The following CDH2 variants were observed in gnomAD, a reference collection of about 807,000 sequenced individuals.
The protein encoded by CDH2 is cadherin-2.
In CDH2, 17 loss-of-function variants were observed where a neutral mutation model predicts 92.0. That is an observed-to-expected ratio of 0.18 (90% CI 0.13 to 0.28). The LOEUF (loss-of-function observed/expected upper bound fraction) is 0.28. Ranked by LOEUF, CDH2 falls within the 10% of genes least tolerant of loss-of-function variation. The pLI is 1.00. For missense variants in CDH2, 862 were observed against 1,133.1 expected, an observed-to-expected ratio of 0.76 and a Z score of 3.44; for synonymous variants, 419 against 415.9, an observed-to-expected ratio of 1.01 and a Z score of -0.09.
At chr18:28,102,108 A>G (rs2015236645) in intron 2 of CDH2, among the ~76,000 whole-genome samples, 1 of 152,166 alleles carries the variant, frequency 6.6e-6, no homozygotes, top group Admixed American at 6.6e-5. Context: ...TTTGTCTCCT[A>G]GAAATTTGCC....
chr18:28,077,458 T>C (rs1302755064), intron 2 of CDH2, among the ~76,000 whole-genome samples: 2 of 152,204 alleles, frequency 1.3e-5, no homozygotes, highest in African/African-American at 4.8e-5. Context: ...CTGCATATGT[T>C]AGACCAAGGC....
At chr18:28,101,517 T>G (rs984758369) in intron 2 of CDH2, among the ~76,000 whole-genome samples, 42 of 152,300 alleles carry the variant, frequency 2.8e-4, no homozygotes, top group African/African-American at 9.4e-4. Context: ...ACCTGGGGAC[T>G]TGACTGTAAC....
At chr18:28,109,861 GT>G (rs1290130117) in intron 2 of CDH2, among the ~76,000 whole-genome samples, 3 of 152,076 alleles carry the variant, frequency 2.0e-5, no homozygotes, top group African/African-American at 7.2e-5. Context: ...TGTATAAAGT[GT>G]TATTGATTCC....
At chr18:28,041,729 T>TA (rs1278898310) in intron 2 of CDH2, among the ~76,000 whole-genome samples, 1 of 152,206 alleles carries the variant, frequency 6.6e-6, no homozygotes, top group Admixed American at 6.5e-5. Flanking sequence ...TATTCCTGAA[T>TA]TCTTAGAGGA....
At chr18:28,113,418 C>T (rs2015444363) in intron 2 of CDH2, among the ~76,000 whole-genome samples, 1 of 147,668 alleles carries the variant, frequency 6.8e-6, no homozygotes, top group Non-Finnish European at 1.5e-5. Flanking sequence ...TAAATACCTA[C>T]ATAGTTAATC....
At position 28,091,419 on chromosome 18, in the gene CDH2, A is replaced by T. The variant is rs755591419; in HGVS notation, c.172+56254T>A. Among the ~76,000 whole-genome samples the T allele has an allele frequency of 1.2e-4, 19 of 152,282 alleles. No homozygotes were observed. In the East Asian group the frequency reaches 2.3e-3, roughly 19 times the overall value. The stretch of plus-strand genomic sequence containing the variant: ...AGTTAGCTAGTGGACTTTGTCCTTC[A>T]GTCTGTCTGGTAAATATTTCACAAT... On this transcript the variant is annotated intron_variant, in intron 2 of 15. Transcript: ENST00000269141.
intron 7 of CDH2, among the ~76,000 whole-genome samples, chr18:27,997,521 C>A (rs1397296539): frequency 6.6e-6 from 1 of 152,164 alleles, no homozygotes; most frequent in Non-Finnish European, 1.5e-5. Context: ...AAAGTAACTG[C>A]AGTTTTTGCC....
intron 5 of CDH2, among the ~76,000 whole-genome samples, chr18:28,008,971 T>C (rs1334340426): frequency 6.6e-6 from 1 of 152,092 alleles, no homozygotes; most frequent in East Asian, 1.9e-4. Context: ...GGGTCTCTCC[T>C]TTTATTAAAA....
chr18:28,141,951 C>T (rs1275120471), intron 2 of CDH2, among the ~76,000 whole-genome samples: 1 of 151,836 alleles, frequency 6.6e-6, no homozygotes, highest in Non-Finnish European at 1.5e-5. Flanking sequence ...TCAATGGTAT[C>T]CTATGCAATG....
chr18:28,136,692 A>C (rs2015867900), intron 2 of CDH2, among the ~76,000 whole-genome samples: 1 of 152,132 alleles, frequency 6.6e-6, no homozygotes, highest in South Asian at 2.1e-4. Context: ...AAAGTACAAC[A>C]CCTCCAAAAA....
At chr18:28,107,184 T>C (rs906804390) in intron 2 of CDH2, among the ~76,000 whole-genome samples, 4 of 151,918 alleles carry the variant, frequency 2.6e-5, no homozygotes, top group Non-Finnish European at 5.9e-5. Flanking sequence ...AATAAATTTC[T>C]TTTCCTTTAT....
intron 7 of CDH2, among the ~76,000 whole-genome samples, chr18:28,002,193 T>A (rs577408644): frequency 6.6e-6 from 1 of 152,150 alleles, no homozygotes; most frequent in African/African-American, 2.4e-5. Context: ...CCGGAAGAAC[T>A]AGAAGATCCA....
chr18:28,105,635 A>G (rs987088759), intron 2 of CDH2, among the ~76,000 whole-genome samples: 1 of 152,204 alleles, frequency 6.6e-6, no homozygotes, highest in Admixed American at 6.5e-5. Context: ...CAACAAATTT[A>G]TATCAGTCAT....
chr18:28,022,824 T>C (rs2013447464), intron 2 of CDH2, among the ~76,000 whole-genome samples: 1 of 152,146 alleles, frequency 6.6e-6, no homozygotes, highest in Admixed American at 6.6e-5. Flanking sequence ...ATTTTTATCC[T>C]TTTTTGAAAG....
In CDH2 at chr18:28,009,766, T is replaced by C; in HGVS notation, c.653A>G (p.Gln218Arg). 6.2e-7 allele frequency: 1 copy of C among 1,614,052 alleles called. No individual in the cohort carries two copies. The highest frequency in any genetic ancestry group is 8.5e-7 in the Non-Finnish European group (1 of 1,179,998). The change falls in exon 5 of 16, where the codon CAG becomes CGG. Residue 218 changes from glutamine (Q) to arginine (R), a missense_variant. Gln to Arg is a conservative substitution (Grantham distance 43, BLOSUM62 1). This residue lies in a region of CDH2 where 564 missense variants were observed against 722.2 expected (regional missense o/e 0.78). Coordinates refer to ENST00000269141, the MANE Select transcript of CDH2 (RefSeq NM_001792.5). ...ATCCAGGGGCTTTGTCACCGACAGC[T>C]GACCCGAGATGGGGTTGATAATGAA... ...GIFIINPISG[Q>R]LSVTKPLDRE...
In CDH2 at chr18:28,085,377, C is replaced by T. The variant is rs377655389; in HGVS notation, c.172+62296G>A. ...CTTCCCTAGCTAGCAAGCACAGGAC[C>T]GCAAGCACTGCATTCTACTTGTTCA... On this transcript the variant is annotated intron_variant, in intron 2 of 15. Transcript: ENST00000269141. Among the ~76,000 whole-genome samples the T allele has an allele frequency of 1.4e-4, 22 of 152,174 alleles. No homozygotes were observed. The South Asian group carries it at 2.7e-3, about 19-fold the overall frequency.
intron 2 of CDH2, among the ~76,000 whole-genome samples, chr18:28,067,097 C>T (rs2014523235): frequency 6.6e-6 from 1 of 152,050 alleles, no homozygotes; most frequent in African/African-American, 2.4e-5. Context: ...AAAACCTTCA[C>T]AAAATCTGAA....
At chr18:27,941,306 A>C (rs1337827321) in intron 6 of CDH2, among the ~76,000 whole-genome samples, 3 of 152,076 alleles carry the variant, frequency 2.0e-5, no homozygotes, top group African/African-American at 7.2e-5. Context: ...AAGTGCTGGG[A>C]TTACAGGTGT....
intron 2 of CDH2, among the ~76,000 whole-genome samples, chr18:28,072,882 T>A (rs1041655329): frequency 2.0e-5 from 3 of 152,200 alleles, no homozygotes; most frequent in African/African-American, 7.2e-5. Flanking sequence ...TAAACCCTAG[T>A]TGGAGTCATG....
Sources: allele counts gnomAD v4.1 joint callset (sites outside exome capture counted in the v4.1 genomes callset), GRCh38; gene constraint gnomAD v4.1.1; regional missense constraint gnomAD v4.1.1; transcripts MANE v1.5; gene names NCBI Gene and HGNC (gene_info 2026-07-23, HGNC 2026-07-21).